The following EVI5 variants were observed in gnomAD, a reference collection of about 807,000 sequenced individuals.
EVI5 encodes ecotropic viral integration site 5.
EVI5 carries 73 observed loss-of-function variants against 112.0 expected under a neutral mutation model. That is an observed-to-expected ratio of 0.65 (90% CI 0.54 to 0.79). The LOEUF (loss-of-function observed/expected upper bound fraction) is 0.79, where lower values mean the gene tolerates loss of function less well. Among genes scored for constraint, EVI5 ranks in the 30% least tolerant of loss-of-function variants. EVI5 has a pLI of 0.00. For synonymous variants in EVI5, 305 were observed against 319.9 expected, an observed-to-expected ratio of 0.95 and a Z score of 0.50; for missense variants, 900 against 968.8, an observed-to-expected ratio of 0.93 and a Z score of 0.94.
At chr1:92,593,256 C>T (rs994995409) in intron 18 of EVI5, among the ~76,000 whole-genome samples, 1 of 152,156 alleles carries the variant, frequency 6.6e-6, no homozygotes, top group Admixed American at 6.5e-5. Context: ...GGATGCAAGG[C>T]TGGTTCAACA....
chr1:92,773,477 C>T (rs1683714305), intron 1 of EVI5, among the ~76,000 whole-genome samples: 1 of 152,060 alleles, frequency 6.6e-6, no homozygotes, highest in African/African-American at 2.4e-5. Context: ...GGCAACAGAG[C>T]AAGACCCCCA....
Position 92,696,888 on chromosome 1 carries a change from A to G in EVI5, c.765+972T>C, listed in dbSNP as rs568928025. ...CCCATCTCTACTAAAAAAATACAAA[A>G]AATTAGCTGGGCGTGGTGGCAGGCA... On this transcript the variant is annotated intron_variant, in intron 6 of 19. Coordinates refer to ENST00000684568, the MANE Select transcript of EVI5 (RefSeq NM_001350197.2). Among the ~76,000 whole-genome samples the G allele has an allele frequency of 1.1e-4, 17 of 152,016 alleles. No homozygotes were observed. The East Asian group carries it at 2.7e-3, about 24-fold the overall frequency.
chr1:92,548,561 T>C (rs1666206556), intron 19 of EVI5, among the ~76,000 whole-genome samples: 1 of 152,202 alleles, frequency 6.6e-6, no homozygotes, highest in Admixed American at 6.5e-5. Context: ...AAATTGTCCC[T>C]GTTTGCAGAT....
intron 5 of EVI5, 118 bp from the exon 6 acceptor site, chr1:92,698,103 G>A (rs1394134027): frequency 3.5e-6 from 3 of 855,646 alleles, no homozygotes; most frequent in Non-Finnish European, 5.5e-6. Flanking sequence ...GCTGTGTGCT[G>A]CAATGTTAAG....
intron 16 of EVI5, among the ~76,000 whole-genome samples, chr1:92,615,060 T>C (rs1184685495): frequency 6.6e-6 from 1 of 151,944 alleles, no homozygotes; most frequent in African/African-American, 2.4e-5. Context: ...CCAAAAATGC[T>C]AAGGACTCTA....
At chr1:92,724,873 T>A (rs1165024314) in intron 2 of EVI5, among the ~76,000 whole-genome samples, 1 of 152,096 alleles carries the variant, frequency 6.6e-6, no homozygotes, top group Non-Finnish European at 1.5e-5. Context: ...GAAGAATTCC[T>A]GAGACTCGGG....
At chr1:92,775,637 A>T (rs1043992068) in intron 1 of EVI5, among the ~76,000 whole-genome samples, 47 of 152,252 alleles carry the variant, frequency 3.1e-4, no homozygotes, top group Middle Eastern at 3.4e-3. Context: ...GCTTTGTCTA[A>T]GTGTATTCTA....
At chr1:92,576,205 A>T (rs141750029) in intron 18 of EVI5, among the ~76,000 whole-genome samples, 9 of 151,816 alleles carry the variant, frequency 5.9e-5, no homozygotes, top group Admixed American at 5.9e-4. Context: ...CATATGTATG[A>T]TATTATGTAT....
chr1:92,633,526 T>C (rs537554319), intron 14 of EVI5, among the ~76,000 whole-genome samples: 27 of 152,328 alleles, frequency 1.8e-4, no homozygotes, highest in Admixed American at 1.4e-3. Context: ...ATTTGCTTGG[T>C]AGATCTTCCT....
intron 19 of EVI5, among the ~76,000 whole-genome samples, chr1:92,551,902 A>G (rs1666995081): frequency 6.6e-6 from 1 of 152,154 alleles, no homozygotes; most frequent in Non-Finnish European, 1.5e-5. Context: ...TTTCCCTTGA[A>G]GTGGTTTCTC....
chr1:92,683,686 A>G (rs2102376880), intron 9 of EVI5, among the ~76,000 whole-genome samples: 1 of 152,350 alleles, frequency 6.6e-6, no homozygotes, highest in South Asian at 2.1e-4. Flanking sequence ...TTGGCTAACT[A>G]GAATAAACAC....
chr1:92,636,848 T>G (rs559960524), intron 13 of EVI5, among the ~76,000 whole-genome samples: 36 of 152,328 alleles, frequency 2.4e-4, no homozygotes, highest in Non-Finnish European at 4.7e-4. Flanking sequence ...ATTTTGAATA[T>G]ACTGAGGTAA....
intron 16 of EVI5, among the ~76,000 whole-genome samples, chr1:92,619,650 T>A (rs1654066049): frequency 6.6e-6 from 1 of 151,722 alleles, no homozygotes; most frequent in Non-Finnish European, 1.5e-5. Flanking sequence ...CTGGGCACAG[T>A]GGCTCGTGAC....
At chr1:92,599,806 C>T (rs1339581470) in intron 18 of EVI5, among the ~76,000 whole-genome samples, 2 of 152,112 alleles carry the variant, frequency 1.3e-5, no homozygotes, top group African/African-American at 4.8e-5. Context: ...CAGAATACAG[C>T]ATGTATGTGT....
At chr1:92,585,281 C>T (rs1672602661) in intron 18 of EVI5, among the ~76,000 whole-genome samples, 1 of 151,356 alleles carries the variant, frequency 6.6e-6, no homozygotes, top group Non-Finnish European at 1.5e-5. Flanking sequence ...TATTTGAGGC[C>T]AGAAGCTCAA....
At chr1:92,552,658 C>T (rs974747559) in intron 19 of EVI5, among the ~76,000 whole-genome samples, 5 of 152,168 alleles carry the variant, frequency 3.3e-5, no homozygotes, top group Non-Finnish European at 7.3e-5. Flanking sequence ...AGATTCAAAT[C>T]CCTTGTTTTA....
At chr1:92,669,547 C>CAAAAAATAAAAAAAAAAAAAAAA (rs1665497680) in intron 10 of EVI5, among the ~76,000 whole-genome samples, 1 of 51,810 alleles carries the variant, frequency 1.9e-5, no homozygotes, top group Non-Finnish European at 3.2e-5. Context: ...GGCTCTGTCT[C>CAAAAAATAAAAAAAAAAAAAAAA]AAAAAAAAAA....
chr1:92,772,438 T>C (rs750545809), intron 1 of EVI5, among the ~76,000 whole-genome samples: 3 of 151,030 alleles, frequency 2.0e-5, no homozygotes, highest in Non-Finnish European at 2.9e-5. Flanking sequence ...CTACTAAAAA[T>C]ACCAAAAATT....
chr1:92,566,564 C>T (rs1669520477), intron 18 of EVI5, among the ~76,000 whole-genome samples: 2 of 152,058 alleles, frequency 1.3e-5, no homozygotes, highest in South Asian at 4.1e-4. Context: ...ATTTAACATA[C>T]TATATTTTTT....
Sources: gnomAD v4.1 joint callset for allele counts (sites outside exome capture counted in the v4.1 genomes callset) on GRCh38, gnomAD v4.1.1 for gene constraint, MANE v1.5 for transcripts, NCBI Gene and HGNC (gene_info 2026-07-23, HGNC 2026-07-21) for gene names.